Variants in B3GAT1 observed in about 807,000 individuals in gnomAD.
B3GAT1 encodes galactosylgalactosylxylosylprotein 3-beta-glucuronosyltransferase 1.
A neutral mutation model predicts 28.4 loss-of-function variants in B3GAT1; 11 were observed. That is an observed-to-expected ratio of 0.39 (90% CI 0.24 to 0.64). B3GAT1 has a LOEUF of 0.64. Among genes scored for constraint, B3GAT1 ranks in the 30% least tolerant of loss-of-function variants. The pLI is 0.50. For missense variants in B3GAT1, 375 were observed against 491.0 expected (o/e 0.76, Z 2.23); for synonymous variants, 255 against 223.1 (o/e 1.14, Z -1.27).
intron 5 of B3GAT1, among the ~76,000 whole-genome samples, chr11:134,381,216 A>T (rs1401999425): frequency 6.6e-6 from 1 of 152,186 alleles, no homozygotes; most frequent in Admixed American, 6.5e-5. Context: ...ACCTTGGAAC[A>T]TTCATTTAGC....
chr11:134,410,809 CTA>C (rs1944838581), intron 1 of B3GAT1, among the ~76,000 whole-genome samples: 1 of 152,220 alleles, frequency 6.6e-6, no homozygotes, highest in Non-Finnish European at 1.5e-5. Context: ...GTGCTAGGCC[CTA>C]CGACATCCGT....
At chr11:134,405,321 C>T (rs1050020328) in intron 1 of B3GAT1, among the ~76,000 whole-genome samples, 1 of 152,192 alleles carries the variant, frequency 6.6e-6, no homozygotes, top group Non-Finnish European at 1.5e-5. Flanking sequence ...CAGGTCCGGG[C>T]TAGGTAGGCA....
intron 4 of B3GAT1, 112 bp downstream of exon 4, chr11:134,382,598 C>T (rs1944159109): frequency 7.6e-7 from 1 of 1,324,122 alleles, no homozygotes; most frequent in Non-Finnish European, 1.0e-6. Flanking sequence ...GAGGGGGTTC[C>T]AGAAAGCCCA....
intron 1 of B3GAT1, among the ~76,000 whole-genome samples, chr11:134,396,077 G>T (rs931444908): frequency 6.6e-6 from 1 of 152,152 alleles, no homozygotes; most frequent in Non-Finnish European, 1.5e-5. Flanking sequence ...CGTCAATCCA[G>T]CAAGGAAGGG....
At position 134,383,921 on chromosome 11, in the gene B3GAT1, G is replaced by T; in HGVS notation, c.380C>A (p.Thr127Lys). ...WLVVEDAPRR[T>K]PLTARLLRDT... ...GCGCAGCAGGCGCGCGGTCAGCGGC[G>T]TCCGGCGCGGCGCATCCTCCACCAC... Residue 127 changes from threonine (T) to lysine (K), a missense_variant, in exon 3 of 6, where the codon ACG becomes AAG. Coordinates refer to ENST00000312527, the MANE Select transcript of B3GAT1 (RefSeq NM_054025.3). 5 of 1,596,022 alleles carry T rather than the reference G, an allele frequency of 3.1e-6. No homozygotes were observed. The highest frequency in any genetic ancestry group is 4.3e-6 in the Non-Finnish European group (5 of 1,176,192).
chr11:134,386,983 C>T (rs1204505223), intron 2 of B3GAT1: 2 of 158,310 alleles, frequency 1.3e-5, no homozygotes, highest in South Asian at 1.9e-4. Flanking sequence ...CCCACTACCA[C>T]CTTTATGGAG....
At chr11:134,402,911 TC>T (rs369098095) in intron 1 of B3GAT1, among the ~76,000 whole-genome samples, 20,202 of 146,368 alleles carry the variant, frequency 0.14, 1,556 homozygotes, top group African/African-American at 0.21. Context: ...AGACTCTGTT[TC>T]AAAAAAAAAA....
chr11:134,407,539 A>C (rs1944758054), intron 1 of B3GAT1, among the ~76,000 whole-genome samples: 4 of 152,190 alleles, frequency 2.6e-5, no homozygotes, highest in Admixed American at 1.3e-4. Context: ...TAGTCCTCAA[A>C]TCCAGTCAAC....
In B3GAT1 at chr11:134,381,777, G is replaced by T. The variant is rs1312457298; in HGVS notation, c.*14+147C>A. 4.6e-6 allele frequency: 3 copies of T among 646,194 alleles called. No homozygotes were observed. In the African/African-American group the frequency reaches 5.4e-5, roughly 12 times the overall value. 40.0% of individuals were successfully genotyped at this position (646,194 alleles called of 1,614,324 possible). ...CTTTCAGGTGGCCCAGTGGGAAGGG[G>T]ACTGTGGTGACGACGCCCTCCACTC... On this transcript the variant is annotated intron_variant, in intron 5 of 5. Coordinates refer to ENST00000312527, the MANE Select transcript of B3GAT1 (RefSeq NM_054025.3).
At chr11:134,382,640 G>C (rs1049642276) in intron 4 of B3GAT1, 70 bp downstream of exon 4, 1 of 1,537,864 alleles carries the variant, frequency 6.5e-7, no homozygotes, top group African/African-American at 1.4e-5. Context: ...TCCTTCTCCC[G>C]ATCTGTAGGG....
At chr11:134,389,299 G>C (rs541795667) in intron 1 of B3GAT1, 1 of 152,348 alleles carries the variant, frequency 6.6e-6, no homozygotes, top group South Asian at 2.1e-4. Flanking sequence ...TCCTTGTGGA[G>C]CACCGCTCTG....
rs1210511436 is a variant in B3GAT1, at chr11:134,393,176, T to C, written c.-281-5236A>G. 4.6e-5 allele frequency among the ~76,000 whole-genome samples: 7 copies of C among 152,176 alleles called. No individual in the cohort carries two copies. The highest frequency in any genetic ancestry group is 4.6e-4 in the Admixed American group (7 of 15,288). On this transcript the variant is annotated intron_variant, in intron 1 of 5. Transcript: ENST00000312527. The surrounding 1 kb of genome is among the most constrained non-coding windows in gnomAD (Gnocchi z 4.0). ...AGAAAGGCCTTTTTACCCAGTAAGA[T>C]GGGAACAGTAGTTAAGTGGTTCATC...
Position 134,387,954 on chromosome 11 carries a change from C to T in B3GAT1, c.-281-14G>A. On this transcript the variant is annotated splice_polypyrimidine_tract_variant and intron_variant, in intron 1 of 5. Transcript: ENST00000312527. ...GGGGGTGGACACCTGCAAGAGAGAG[C>T]AGAAGCGGATAGCCAGAGACCCAGG... is the stretch of plus-strand genomic sequence containing the variant. 1 of 1,184,900 alleles carries T rather than the reference C, an allele frequency of 8.4e-7. No individual in the cohort carries two copies. The highest frequency in any genetic ancestry group is 1.2e-6 in the Non-Finnish European group (1 of 855,768). 73.4% of individuals were successfully genotyped at this position (1,184,900 alleles called of 1,614,324 possible).
intron 1 of B3GAT1, among the ~76,000 whole-genome samples, chr11:134,396,073 T>G (rs7928758): frequency 0.16 from 24,205 of 152,110 alleles, 2,117 homozygotes; most frequent in African/African-American, 0.21. Flanking sequence ...ACTTCGTCAA[T>G]CCAGCAAGGA....
chr11:134,401,126 CTCGTACATTGTTGGTGGGAA>C (rs1163278837), intron 1 of B3GAT1, among the ~76,000 whole-genome samples: 3 of 152,214 alleles, frequency 2.0e-5, no homozygotes, highest in African/African-American at 7.2e-5. Flanking sequence ...AAAGGGAACA[CTCGTACATTGTTGGTGGGAA>C]TGTAGATGAG....
At chr11:134,395,435 C>T (rs557371349) in intron 1 of B3GAT1, among the ~76,000 whole-genome samples, 2 of 151,896 alleles carry the variant, frequency 1.3e-5, no homozygotes, top group South Asian at 2.1e-4. Flanking sequence ...TCTGCTTGGC[C>T]GAGTGGAGGA....
Position 134,383,731 on chromosome 11 carries a change from C to T in B3GAT1, c.570G>A (p.Val190=), listed in dbSNP as rs758206233. The T allele has an allele frequency of 6.3e-7, 1 of 1,593,506 alleles. No individual in the cohort carries two copies. The highest frequency in any genetic ancestry group is 1.3e-5 in the African/African-American group (1 of 74,630). ...TFPRNSSQPG[V]VYFADDDNTY... is the part of the protein sequence containing the mutation. Reference sequence around the variant, plus strand: ...TGTTGTCGTCGTCGGCGAAGTAGACCACGCCAGGCTGGCTGGAGTTGCGCG... The same window carrying T: ...TGTTGTCGTCGTCGGCGAAGTAGACTACGCCAGGCTGGCTGGAGTTGCGCG... Residue 190 remains valine, a synonymous_variant, in exon 3 of 6, where the codon GTG becomes GTA. Coordinates refer to ENST00000312527, the MANE Select transcript of B3GAT1 (RefSeq NM_054025.3).
chr11:134,400,547 T>A (rs1008646844), intron 1 of B3GAT1, among the ~76,000 whole-genome samples: 47 of 152,228 alleles, frequency 3.1e-4, no homozygotes, highest in Admixed American at 7.8e-4. Flanking sequence ...ATTCAGCGGA[T>A]GGCTAGCCAT....
chr11:134,404,630 A>T (rs975585246), intron 1 of B3GAT1, among the ~76,000 whole-genome samples: 3 of 152,122 alleles, frequency 2.0e-5, no homozygotes, highest in Non-Finnish European at 2.9e-5. Context: ...GGTGACAGGC[A>T]CCAGGTATGC....
Sources: allele counts gnomAD v4.1 joint callset (sites outside exome capture counted in the v4.1 genomes callset), GRCh38; gene constraint gnomAD v4.1.1; non-coding constraint Gnocchi (gnomAD v3.1); transcripts MANE v1.5; gene names NCBI Gene and HGNC (gene_info 2026-07-23, HGNC 2026-07-21).